The following KCNQ5 variants were observed in gnomAD, a reference collection of about 807,000 sequenced individuals.
KCNQ5 encodes potassium voltage-gated channel subfamily Q member 5.
A neutral mutation model predicts 98.2 loss-of-function variants in KCNQ5; 30 were observed. The observed-to-expected ratio is 0.31, with a 90% confidence interval of 0.23 to 0.41. The LOEUF is 0.41. Ranked by LOEUF, KCNQ5 falls within the 10% of genes least tolerant of loss-of-function variation. KCNQ5 has a pLI of 1.00. For missense variants in KCNQ5, 835 were observed against 1,182.5 expected (o/e 0.71, Z 4.31); for synonymous variants, 458 against 449.4 (o/e 1.02, Z -0.24).
At chr6:73,037,010 G>A (rs1771463463) in intron 2 of KCNQ5, among the ~76,000 whole-genome samples, 1 of 152,098 alleles carries the variant, frequency 6.6e-6, no homozygotes, top group African/African-American at 2.4e-5. Flanking sequence ...ATTTTGTGTT[G>A]TCACTATTTT....
chr6:72,873,865 T>TATC (rs1475846292), intron 1 of KCNQ5, among the ~76,000 whole-genome samples: 1 of 152,048 alleles, frequency 6.6e-6, no homozygotes, highest in Non-Finnish European at 1.5e-5. Flanking sequence ...TATAAACGTA[T>TATC]ATCTTTTGCA....
chr6:73,088,349 G>A (rs1450362237), intron 5 of KCNQ5, among the ~76,000 whole-genome samples: 2 of 152,104 alleles, frequency 1.3e-5, no homozygotes, highest in Non-Finnish European at 2.9e-5. Context: ...ATTAGGCTGT[G>A]ACATCAGAGA....
At chr6:73,007,009 G>T (rs556835682) in intron 2 of KCNQ5, among the ~76,000 whole-genome samples, 10 of 152,044 alleles carry the variant, frequency 6.6e-5, no homozygotes, top group African/African-American at 2.2e-4. Flanking sequence ...CGTGTTAGGT[G>T]CAGGCCATCC....
chr6:72,736,502 C>CTTCTTTTTT (rs1554152079), intron 1 of KCNQ5, among the ~76,000 whole-genome samples: 1 of 121,060 alleles, frequency 8.3e-6, no homozygotes, highest in East Asian at 2.6e-4. Flanking sequence ...AAAAAGATTT[C>CTTCTTTTTT]TTTTTTTTTT....
chr6:72,794,272 C>T (rs987364279), intron 1 of KCNQ5, among the ~76,000 whole-genome samples: 1 of 151,828 alleles, frequency 6.6e-6, no homozygotes, highest in Non-Finnish European at 1.5e-5. Context: ...AATGTGGTAT[C>T]TCCACTGAGC....
chr6:72,720,396 T>C (rs1331003536), intron 1 of KCNQ5, among the ~76,000 whole-genome samples: 3 of 152,216 alleles, frequency 2.0e-5, no homozygotes, highest in Non-Finnish European at 4.4e-5. Context: ...AATTAATTGT[T>C]GCCTGTTCTA....
At chr6:72,905,467 C>G (rs1298898151) in intron 1 of KCNQ5, among the ~76,000 whole-genome samples, 1 of 152,132 alleles carries the variant, frequency 6.6e-6, no homozygotes, top group East Asian at 1.9e-4. Context: ...TGTCATATTA[C>G]CAGTGTTGGT....
At chr6:73,167,192 C>A (rs1777835936) in intron 10 of KCNQ5, among the ~76,000 whole-genome samples, 1 of 152,208 alleles carries the variant, frequency 6.6e-6, no homozygotes, top group Non-Finnish European at 1.5e-5. Context: ...AAGGTCATCA[C>A]TGAGTCAGAA....
chr6:72,969,516 G>A (rs981262408), intron 1 of KCNQ5, among the ~76,000 whole-genome samples: 4 of 152,094 alleles, frequency 2.6e-5, no homozygotes, highest in African/African-American at 7.2e-5. Context: ...ATTGTGTTGG[G>A]ATGGTATTTT....
At chr6:73,116,150 T>C (rs1200290993) in intron 7 of KCNQ5, among the ~76,000 whole-genome samples, 1 of 152,150 alleles carries the variant, frequency 6.6e-6, no homozygotes, top group East Asian at 1.9e-4. Context: ...AGAGCAGCCA[T>C]AGTACATCAC....
chr6:72,751,314 G>GA (rs35351451), intron 1 of KCNQ5, among the ~76,000 whole-genome samples: 2,450 of 141,778 alleles, frequency 0.017, 20 homozygotes, highest in Non-Finnish European at 0.026. Flanking sequence ...GACTCAAAAT[G>GA]AAAAAAAAAA....
Position 73,016,937 on chromosome 6 carries a change from GCTCTGGCCTACATATCCCAA to G in KCNQ5, c.489+12946_489+12965del, listed in dbSNP as rs1470466997. 2.6e-5 allele frequency among the ~76,000 whole-genome samples: 4 copies of G among 152,140 alleles called. No individual in the cohort carries two copies. In the East Asian group the frequency reaches 7.7e-4, roughly 29 times the overall value. ...CTGATTGATTGAGACCTGCCATCTT[GCTCTGGCCTACATATCCCAA>G]CTCTGGATTTCCCACTTGGTCTCTG... On this transcript the variant is annotated intron_variant, in intron 2 of 13. Coordinates refer to ENST00000370398, the MANE Select transcript of KCNQ5 (RefSeq NM_019842.4).
chr6:73,183,281 G>A (rs1358883564), intron 11 of KCNQ5, among the ~76,000 whole-genome samples: 2 of 152,186 alleles, frequency 1.3e-5, no homozygotes, highest in Non-Finnish European at 2.9e-5. Flanking sequence ...GTTCTTACTA[G>A]TTCTGTGACC....
chr6:73,134,356 C>T (rs1237131520), intron 10 of KCNQ5: 1 of 157,250 alleles, frequency 6.4e-6, no homozygotes, highest in Non-Finnish European at 1.4e-5. Context: ...TTTAACTAGG[C>T]CCCCTGGGAT....
At chr6:73,040,234 T>G (rs1181471202) in intron 2 of KCNQ5, among the ~76,000 whole-genome samples, 1 of 152,122 alleles carries the variant, frequency 6.6e-6, no homozygotes, top group Non-Finnish European at 1.5e-5. Context: ...TACTACACGG[T>G]AGTGTTCGGG....
intron 1 of KCNQ5, among the ~76,000 whole-genome samples, chr6:72,876,820 G>A (rs1046437654): frequency 8.5e-5 from 13 of 152,158 alleles, no homozygotes; most frequent in African/African-American, 3.1e-4. Context: ...AGTTTACAGA[G>A]TACAGAATTA....
At chr6:72,914,013 A>G (rs1013674272) in intron 1 of KCNQ5, among the ~76,000 whole-genome samples, 1 of 152,146 alleles carries the variant, frequency 6.6e-6, no homozygotes, top group African/African-American at 2.4e-5. Context: ...CTCCAGGTGT[A>G]GGGAGGGCAC....
rs1776261847 is a variant in KCNQ5 at position 73,132,077 on chromosome 6, T to C, written c.1248-1344T>C. Among the ~76,000 whole-genome samples the C allele has an allele frequency of 6.6e-5, 10 of 152,348 alleles. 2 individuals are homozygous for C. The South Asian group carries it at 2.1e-3, about 32-fold the overall frequency. On this transcript the variant is annotated intron_variant, in intron 9 of 13. Transcript: ENST00000370398. Reference sequence around the variant, plus strand: ...AAGCAACTAGGCATGGAAAAATAAATGTTACTGTTTCTTGTTAGCTACAAA... The same window carrying C: ...AAGCAACTAGGCATGGAAAAATAAACGTTACTGTTTCTTGTTAGCTACAAA...
At chr6:72,828,921 A>G (rs1181120417) in intron 1 of KCNQ5, among the ~76,000 whole-genome samples, 1 of 152,098 alleles carries the variant, frequency 6.6e-6, no homozygotes, top group African/African-American at 2.4e-5. Flanking sequence ...CTTTGTTTTA[A>G]TACAACCTAC....
Sources: allele counts gnomAD v4.1 joint callset (sites outside exome capture counted in the v4.1 genomes callset), GRCh38; gene constraint gnomAD v4.1.1; transcripts MANE v1.5; gene names NCBI Gene and HGNC (gene_info 2026-07-23, HGNC 2026-07-21).